The following TNFAIP8 variants were observed in gnomAD, a reference collection of about 807,000 sequenced individuals.
TNFAIP8 encodes the protein tumor necrosis factor alpha-induced protein 8.
In TNFAIP8, 7 loss-of-function variants were observed where a neutral mutation model predicts 13.3. The observed-to-expected ratio is 0.52, with a 90% CI of 0.30 to 0.99. The LOEUF is 0.99. TNFAIP8 is among the 50% of genes least tolerant of loss of function. The pLI is 0.07. For synonymous variants in TNFAIP8, 94 were observed against 87.6 expected, an observed-to-expected ratio of 1.07 and a Z score of -0.41; for missense variants, 258 against 236.9, an observed-to-expected ratio of 1.09 and a Z score of -0.58.
chr5:119,316,774 G>A (rs550657430), intron 1 of TNFAIP8, among the ~76,000 whole-genome samples: 3 of 152,298 alleles, frequency 2.0e-5, no homozygotes, highest in South Asian at 4.1e-4. Context: ...ACCAGTGCTC[G>A]AGAACATGGC....
intron 1 of TNFAIP8, chr5:119,391,235 C>T (rs1205374709): frequency 1.7e-5 from 9 of 544,980 alleles, no homozygotes; most frequent in Admixed American, 2.9e-5. Flanking sequence ...CTTTTTGCTT[C>T]CTAATGATGC....
chr5:119,278,685 C>G (rs1748540219), intron 1 of TNFAIP8, among the ~76,000 whole-genome samples: 1 of 151,948 alleles, frequency 6.6e-6, no homozygotes, highest in African/African-American at 2.4e-5. Context: ...GCTCCCATTC[C>G]CTAAAGGCCA....
intron 1 of TNFAIP8, among the ~76,000 whole-genome samples, chr5:119,350,177 G>A (rs1751068147): frequency 6.6e-6 from 1 of 152,046 alleles, no homozygotes; most frequent in South Asian, 2.1e-4. Flanking sequence ...TGGCATCTGT[G>A]GATTCAATCA....
At chr5:119,355,219 A>G, upstream of TNFAIP8, 1 of 687,000 alleles carries the variant, frequency 1.5e-6, no homozygotes, top group Non-Finnish European at 2.6e-6. Context: ...GGCATTTTGA[A>G]GGAATTCATC....
At chr5:119,300,710 CTAG>C (rs1420427780) in intron 1 of TNFAIP8, among the ~76,000 whole-genome samples, 8 of 152,316 alleles carry the variant, frequency 5.3e-5, no homozygotes, top group Admixed American at 5.2e-4. Flanking sequence ...GATCCAGCAG[CTAG>C]TCACTGTTAG....
chr5:119,273,411 A>G (rs1302161265), intron 1 of TNFAIP8, among the ~76,000 whole-genome samples: 1 of 152,132 alleles, frequency 6.6e-6, no homozygotes, highest in Non-Finnish European at 1.5e-5. Context: ...TAACAATGCC[A>G]GAGGAGCCCA....
At position 119,291,126 on chromosome 5, in the gene TNFAIP8, T is replaced by A. The variant is rs574121690; in HGVS notation, c.1+22219T>A. Among the ~76,000 whole-genome samples the A allele has an allele frequency of 3.3e-5, 5 of 152,340 alleles. No individual in the cohort carries two copies. In the East Asian group the frequency reaches 9.6e-4, roughly 29 times the overall value. ...TAGTCAGCTCTCTAATTTCTAAAAT[T>A]GTGTAACACTTTTGCCCATGTCCCT... On this transcript the variant is annotated intron_variant, in intron 1 of 1. Transcript: ENST00000274456.
chr5:119,385,257 C>T (rs1234739217), intron 1 of TNFAIP8, among the ~76,000 whole-genome samples: 1 of 152,168 alleles, frequency 6.6e-6, no homozygotes, highest in African/African-American at 2.4e-5. Context: ...GACTTTGAGC[C>T]TTTTGTTTCC....
chr5:119,354,629 T>G (rs1751312343), upstream of TNFAIP8: 1 of 152,280 alleles, frequency 6.6e-6, no homozygotes, highest in African/African-American at 2.4e-5. Context: ...TGTGCTTATA[T>G]TACCTTATTT....
At chr5:119,344,472 C>T (rs565996478) in intron 1 of TNFAIP8, among the ~76,000 whole-genome samples, 2 of 152,334 alleles carry the variant, frequency 1.3e-5, no homozygotes, top group African/African-American at 4.8e-5. Context: ...CAAACATCCA[C>T]ACTGTAATAG....
At chr5:119,298,372 G>T (rs1435839957) in intron 1 of TNFAIP8, among the ~76,000 whole-genome samples, 1 of 152,070 alleles carries the variant, frequency 6.6e-6, no homozygotes, top group African/African-American at 2.4e-5. Flanking sequence ...ATGAAGCTTA[G>T]TTGGGCTGGA....
In TNFAIP8 at chr5:119,399,636, C is replaced by T. The variant is rs1753153544; in HGVS notation, c.*6255C>T. 1 of 152,180 alleles carries T rather than the reference C, an allele frequency of 6.6e-6. No individual in the cohort carries two copies. Among genetic ancestry groups the T allele is most frequent in the Admixed American group, 6.5e-5 (1 of 15,280 alleles). The allele number at this position is 152,180 out of a possible 1,614,324, so 9.4% of individuals were successfully genotyped here. A position where few individuals can be genotyped will look rare whatever the true frequency, so the allele number is the denominator to read the frequency against. Reference sequence around the variant, plus strand: ...CATTGTTGAAAGTAATGATTTCTAGCAGCTACTTATGTATAATCTCTTAAC... The same window carrying T: ...CATTGTTGAAAGTAATGATTTCTAGTAGCTACTTATGTATAATCTCTTAAC... On this transcript the variant is annotated 3_prime_UTR_variant, in exon 2 of 2. Coordinates refer to ENST00000504771, the MANE Select transcript of TNFAIP8 (RefSeq NM_014350.4).
intron 1 of TNFAIP8, among the ~76,000 whole-genome samples, chr5:119,314,128 A>G (rs1252390668): frequency 6.6e-6 from 1 of 152,320 alleles, no homozygotes; most frequent in East Asian, 1.9e-4. Flanking sequence ...GAGCCCAGGA[A>G]TTCGCATCTA....
intron 1 of TNFAIP8, among the ~76,000 whole-genome samples, chr5:119,289,904 T>A (rs1187176765): frequency 6.6e-6 from 1 of 152,220 alleles, no homozygotes; most frequent in African/African-American, 2.4e-5. Flanking sequence ...TCCTTAAAGT[T>A]AAAAATAAAT....
intron 1 of TNFAIP8, among the ~76,000 whole-genome samples, chr5:119,343,856 C>T (rs188677880): frequency 1.6e-3 from 242 of 152,274 alleles, no homozygotes; most frequent in African/African-American, 5.5e-3. Context: ...CAGCTGCCCC[C>T]GCTGTGTGAC....
intron 1 of TNFAIP8, among the ~76,000 whole-genome samples, chr5:119,362,374 A>G (rs569593454): frequency 6.6e-6 from 1 of 152,216 alleles, no homozygotes; most frequent in Admixed American, 6.5e-5. Flanking sequence ...TCCCAGGGGG[A>G]CATTGTATGT....
At chr5:119,330,704 C>T (rs527283610) in intron 1 of TNFAIP8, among the ~76,000 whole-genome samples, 64 of 152,286 alleles carry the variant, frequency 4.2e-4, no homozygotes, top group Non-Finnish European at 8.2e-4. Flanking sequence ...GCCGAGATAA[C>T]GTGGAGTACA....
chr5:119,331,213 A>G (rs1368963724), intron 1 of TNFAIP8, among the ~76,000 whole-genome samples: 3 of 151,830 alleles, frequency 2.0e-5, no homozygotes, highest in Non-Finnish European at 4.4e-5. Flanking sequence ...GTGCATAGTC[A>G]TATCTACAAA....
Position 119,393,084 on chromosome 5 carries a change from G to T in TNFAIP8, c.300G>T (p.Glu100Asp). 1 of 1,613,902 alleles carries T rather than the reference G, an allele frequency of 6.2e-7. No homozygotes were observed. Among genetic ancestry groups the T allele is most frequent in the East Asian group, 2.2e-5 (1 of 44,858 alleles). The change falls in exon 2 of 2, where the codon GAG becomes GAT. Residue 100 changes from glutamate to aspartate, a missense_variant. Glu to Asp is a conservative substitution (Grantham distance 45). Coordinates refer to ENST00000504771, the MANE Select transcript of TNFAIP8 (RefSeq NM_014350.4). ...ATCAAGATGAGCTAGCATTGATGGA[G>T]AAATTTAAGAAGAAAGTTCATCAGC... ...QFNQDELALM[E>D]KFKKKVHQLA... is the part of the protein sequence containing the mutation.
Sources: allele counts gnomAD v4.1 joint callset (sites outside exome capture counted in the v4.1 genomes callset), GRCh38; gene constraint gnomAD v4.1.1; transcripts MANE v1.5; gene names NCBI Gene and HGNC (gene_info 2026-07-23, HGNC 2026-07-21).